Variants in ITGA8 observed in about 807,000 individuals in gnomAD.
ITGA8 encodes integrin alpha-8.
In ITGA8, 91 loss-of-function variants were observed where a neutral mutation model predicts 142.3. That is an observed-to-expected ratio of 0.64 (90% CI 0.54 to 0.76). The LOEUF (loss-of-function observed/expected upper bound fraction) is 0.76. Among genes scored for constraint, ITGA8 ranks in the 30% least tolerant of loss-of-function variants. The pLI, the probability that ITGA8 is intolerant of heterozygous loss-of-function variation, is 0.00. For missense variants in ITGA8, 1,406 were observed against 1,327.7 expected (o/e 1.06, Z -0.92); for synonymous variants, 505 against 485.2 (o/e 1.04, Z -0.54).
rs74716138 is a variant in ITGA8 at position 15,663,798 on chromosome 10, G to A, written c.848-2876C>T. Among the ~76,000 whole-genome samples the A allele has an allele frequency of 4.6e-4, 70 of 152,110 alleles. 2 individuals carry two copies. The East Asian group carries it at 0.013, about 27-fold the overall frequency. On this transcript the variant is annotated intron_variant, in intron 8 of 29. Coordinates refer to ENST00000378076, the MANE Select transcript of ITGA8 (RefSeq NM_003638.3). Reference sequence around the variant, plus strand: ...TTGCCCAGGCTGGTATAGAACTCCTGAGCTCAAGCAATTCTCCCACCTTGG... The same window carrying A: ...TTGCCCAGGCTGGTATAGAACTCCTAAGCTCAAGCAATTCTCCCACCTTGG...
At position 15,718,786 on chromosome 10, in the gene ITGA8, T is replaced by C; in HGVS notation, c.323A>G (p.Gln108Arg). 6.2e-7 allele frequency: 1 copy of C among 1,614,158 alleles called. No individual in the cohort carries two copies. The highest frequency in any genetic ancestry group is 8.5e-7 in the Non-Finnish European group (1 of 1,180,030). ...CTTACTGGTGGTGTCAAACGGTATCTGCCTGCACTGCGCAGACCCCTCCGC... is the reference window on the plus strand; with the variant it reads ...CTTACTGGTGGTGTCAAACGGTATCCGCCTGCACTGCGCAGACCCCTCCGC... ...WPAEGSAQCR[Q>R]IPFDTTNNRK... is the part of the protein sequence containing the mutation. Residue 108 changes from glutamine (Q) to arginine (R), a missense_variant, in exon 2 of 30, where the codon CAG (glutamine) becomes CGG (arginine). By Grantham distance (43) the Gln-to-Arg change is conservative (BLOSUM62 1). Transcript: ENST00000378076.
chr10:15,641,305 T>C (rs1180658556), intron 13 of ITGA8, among the ~76,000 whole-genome samples: 1 of 152,174 alleles, frequency 6.6e-6, no homozygotes, highest in Admixed American at 6.5e-5. Flanking sequence ...TTTTCTACCA[T>C]GGTGGAAATG....
At chr10:15,521,164 A>G (rs1203334300) in intron 28 of ITGA8, among the ~76,000 whole-genome samples, 1 of 151,376 alleles carries the variant, frequency 6.6e-6, no homozygotes, top group Non-Finnish European at 1.5e-5. Flanking sequence ...GGTTATAGGC[A>G]TGTGCCACCA....
At chr10:15,576,543 C>G (rs1053284876) in intron 23 of ITGA8, among the ~76,000 whole-genome samples, 1 of 152,176 alleles carries the variant, frequency 6.6e-6, no homozygotes, top group African/African-American at 2.4e-5. Flanking sequence ...GAAAACATCT[C>G]TTTTGGCAAT....
intron 13 of ITGA8, among the ~76,000 whole-genome samples, chr10:15,623,314 C>T (rs1310149909): frequency 6.6e-6 from 1 of 152,146 alleles, no homozygotes; most frequent in African/African-American, 2.4e-5. Context: ...CCTGAACCCA[C>T]ACTGGGCTCC....
intron 26 of ITGA8, 42 bp downstream of exon 26, chr10:15,558,032 C>A: frequency 6.2e-7 from 1 of 1,610,758 alleles, no homozygotes. Flanking sequence ...TCTATCCAAG[C>A]CACTCATTTC....
intron 26 of ITGA8, among the ~76,000 whole-genome samples, chr10:15,552,747 A>C (rs913416510): frequency 2.0e-5 from 3 of 151,978 alleles, no homozygotes; most frequent in Non-Finnish European, 4.4e-5. Context: ...ATGTGTTCTC[A>C]CTGTTCAACT....
At chr10:15,697,016 G>A (rs540880583) in intron 2 of ITGA8, among the ~76,000 whole-genome samples, 54 of 148,486 alleles carry the variant, frequency 3.6e-4, no homozygotes, top group African/African-American at 1.3e-3. Flanking sequence ...TGTCTCTAAA[G>A]TCTCAGAGTA....
intron 2 of ITGA8, among the ~76,000 whole-genome samples, chr10:15,710,201 T>C (rs1430737553): frequency 6.6e-6 from 1 of 152,224 alleles, no homozygotes; most frequent in Non-Finnish European, 1.5e-5. Flanking sequence ...CATTACAATT[T>C]CCTTCTTATA....
At position 15,585,340 on chromosome 10, in the gene ITGA8, G is replaced by A. The variant is rs1045576770; in HGVS notation, c.2372+1244C>T. On this transcript the variant is annotated intron_variant, in intron 23 of 29. Transcript: ENST00000378076. The stretch of plus-strand genomic sequence containing the variant: ...GCCGCAATTCCCTCACCTGTACAAG[G>A]AGGATACTAGTTCATTTATAAGATG... 3.3e-5 allele frequency among the ~76,000 whole-genome samples: 5 copies of A among 152,278 alleles called. No homozygotes were observed. In the East Asian group the frequency reaches 9.6e-4, roughly 29 times the overall value.
chr10:15,688,661 GGGATTTATCCCT>G (rs1834877765), intron 2 of ITGA8, among the ~76,000 whole-genome samples: 1 of 152,140 alleles, frequency 6.6e-6, no homozygotes, highest in Non-Finnish European at 1.5e-5. Flanking sequence ...ATGTTCAAGT[GGGATTTATCCCT>G]GGAATGCAAG....
chr10:15,575,980 T>C (rs1277350548), intron 23 of ITGA8, among the ~76,000 whole-genome samples: 1 of 152,042 alleles, frequency 6.6e-6, no homozygotes, highest in Non-Finnish European at 1.5e-5. Context: ...TGTGTGTGTG[T>C]GTATGGGTTA....
At chr10:15,655,436 T>C (rs1284453886) in intron 10 of ITGA8, 30 bp from the exon 11 acceptor site, 6 of 1,552,164 alleles carry the variant, frequency 3.9e-6, no homozygotes, top group Non-Finnish European at 5.3e-6. Context: ...GATGACATTT[T>C]GTGTCCAAAA....
intron 10 of ITGA8, among the ~76,000 whole-genome samples, chr10:15,658,599 G>C (rs2131668932): frequency 6.6e-6 from 1 of 152,182 alleles, no homozygotes; most frequent in South Asian, 2.1e-4. Flanking sequence ...TGGTATAGTT[G>C]GCTCTGTCTT....
At chr10:15,717,690 T>A (rs1390415113) in intron 2 of ITGA8, among the ~76,000 whole-genome samples, 1 of 152,260 alleles carries the variant, frequency 6.6e-6, no homozygotes, top group East Asian at 1.9e-4. Context: ...AATTTGGTCA[T>A]AATTCAAGGT....
Position 15,644,040 on chromosome 10 carries a change from A to C in ITGA8, c.1389T>G (p.Asn463Lys). 2 of 1,612,496 alleles carry C rather than the reference A, an allele frequency of 1.2e-6. No homozygotes were observed. The highest frequency in any genetic ancestry group is 1.7e-4 in the Middle Eastern group (1 of 6,060). ...TLRGDSDIDKNDYPDLIVGAF... is the reference protein window; with the variant it reads ...TLRGDSDIDKKDYPDLIVGAF... ...GAAAGAAAACCTTACCTGGGTAATC[A>C]TTCTTGTCTATGTCTGAATCTCCTC... Residue 463 changes from asparagine to lysine, a missense_variant, in exon 13 of 30, where the codon AAT becomes AAG. By Grantham distance (94) the Asn-to-Lys change is moderately conservative. Coordinates refer to ENST00000378076, the MANE Select transcript of ITGA8 (RefSeq NM_003638.3).
At chr10:15,680,813 G>T (rs1390385712) in intron 4 of ITGA8, among the ~76,000 whole-genome samples, 3 of 150,294 alleles carry the variant, frequency 2.0e-5, no homozygotes, top group Non-Finnish European at 4.4e-5. Flanking sequence ...AAAATAATCA[G>T]CTCCAAATGT....
intron 27 of ITGA8, among the ~76,000 whole-genome samples, chr10:15,546,188 C>G (rs1833664312): frequency 6.6e-6 from 1 of 152,146 alleles, no homozygotes; most frequent in Non-Finnish European, 1.5e-5. Flanking sequence ...TCCCACTGCC[C>G]TGATCTCCCT....
At chr10:15,658,385 A>T (rs578223992) in intron 10 of ITGA8, among the ~76,000 whole-genome samples, 1 of 152,240 alleles carries the variant, frequency 6.6e-6, no homozygotes, top group African/African-American at 2.4e-5. Context: ...CATTGTTCTT[A>T]GAAAAAAATT....
Sources: allele counts gnomAD v4.1 joint callset (sites outside exome capture counted in the v4.1 genomes callset), GRCh38; gene constraint gnomAD v4.1.1; transcripts MANE v1.5; gene names NCBI Gene and HGNC (gene_info 2026-07-23, HGNC 2026-07-21).